ACACA: variants seen among roughly 807,000 people sequenced by gnomAD.
ACACA encodes acetyl-CoA carboxylase 1.
A neutral mutation model predicts 296.1 loss-of-function variants in ACACA; 103 were observed. That is an observed-to-expected ratio of 0.35 (90% CI 0.30 to 0.41). The LOEUF (loss-of-function observed/expected upper bound fraction) is 0.41. Ranked by LOEUF, ACACA falls within the 10% of genes least tolerant of loss-of-function variation. ACACA has a pLI of 1.00. For synonymous variants in ACACA, 953 were observed against 1,038.6 expected (o/e 0.92, Z 1.58); for missense variants, 1,554 against 2,989.7 (o/e 0.52, Z 11.20).
intron 25 of ACACA, among the ~76,000 whole-genome samples, chr17:37,232,156 A>G (rs2079891378): frequency 1.3e-5 from 2 of 152,212 alleles, no homozygotes; most frequent in African/African-American, 4.8e-5. Flanking sequence ...AGAGCAACGC[A>G]TATCCCATGA....
chr17:37,368,572 A>T (rs2049691321), intron 1 of ACACA: 1 of 152,148 alleles, frequency 6.6e-6, no homozygotes, highest in South Asian at 2.1e-4. Context: ...CAAGAGCAAG[A>T]CTCCATCTAA....
At position 37,190,686 on chromosome 17, in the gene ACACA, T is replaced by G. The variant is rs115234359; in HGVS notation, c.4572+434A>C. ...TTAGACACTTTGAGAAGGTGCATTA[T>G]CTCACTAAGGCCACCAGGTGATTAA... On this transcript the variant is annotated intron_variant, in intron 38 of 55. Transcript: ENST00000616317. 9.9e-3 allele frequency among the ~76,000 whole-genome samples: 1,502 copies of G among 152,284 alleles called. 22 individuals are homozygous for G. The highest frequency in any genetic ancestry group is 0.034 in the African/African-American group (1,408 of 41,544).
chr17:37,268,519 C>T (rs2081897556), intron 10 of ACACA, among the ~76,000 whole-genome samples: 1 of 152,026 alleles, frequency 6.6e-6, no homozygotes, highest in Admixed American at 6.6e-5. Context: ...AGGAAGCCCT[C>T]TTAGTCTTTT....
At chr17:37,214,966 G>C (rs2078918019) in intron 29 of ACACA, among the ~76,000 whole-genome samples, 1 of 152,098 alleles carries the variant, frequency 6.6e-6, no homozygotes, top group African/African-American at 2.4e-5. Context: ...AATGGCAGTT[G>C]GCTACCAATT....
At chr17:37,404,372 A>G (rs11871581) in intron 1 of ACACA, among the ~76,000 whole-genome samples, 34,649 of 152,044 alleles carry the variant, frequency 0.23, 4,142 homozygotes, top group Middle Eastern at 0.36. Flanking sequence ...AGGACAATTT[A>G]TGCCTTAGAG....
At chr17:37,275,495 C>CAA (rs34064045) in intron 8 of ACACA, among the ~76,000 whole-genome samples, 3,139 of 61,388 alleles carry the variant, frequency 0.051, 149 homozygotes, top group African/African-American at 0.093. Context: ...GACTCCAACT[C>CAA]AAAAAAAAAA....
chr17:37,296,651 C>T (rs2083347310), intron 3 of ACACA, among the ~76,000 whole-genome samples: 1 of 151,784 alleles, frequency 6.6e-6, no homozygotes, highest in African/African-American at 2.4e-5. Flanking sequence ...GAGGGCTCTG[C>T]CCCATGATCT....
chr17:37,206,740 T>C (rs777941814), intron 32 of ACACA, 43 bp downstream of exon 32: 10 of 1,464,574 alleles, frequency 6.8e-6, no homozygotes, highest in Non-Finnish European at 9.6e-6. Context: ...AGAAGTCCCA[T>C]GTCTGAGGGG....
intron 45 of ACACA, among the ~76,000 whole-genome samples, chr17:37,147,377 CAGAA>C (rs1229091462): frequency 4.6e-5 from 7 of 152,156 alleles, no homozygotes; most frequent in Non-Finnish European, 8.8e-5. Flanking sequence ...AGCACCCACA[CAGAA>C]AGAGACATGC....
Position 37,121,475 on chromosome 17 carries a change from C to T in ACACA, c.6154G>A (p.Gly2052Ser). ...DSEAKIIQQAGQVWFPDSAFK... is the reference protein window; with the variant it reads ...DSEAKIIQQASQVWFPDSAFK... ...GCAGAATCTGGGAACCAAACCTGGC[C>T]AGCCTGCTGGATTATCTATTAGGAA... The change falls in exon 50 of 56, where the codon GGC becomes AGC. Residue 2052 changes from glycine to serine, a missense_variant. Around this residue, in one of 16 missense-constraint regions of ACACA, gnomAD observed 553 missense variants for 1,043.6 expected, o/e 0.53. Transcript: ENST00000616317. 6.2e-7 allele frequency: 1 copy of T among 1,614,176 alleles called. No individual in the cohort carries two copies. The highest frequency in any genetic ancestry group is 8.5e-7 in the Non-Finnish European group (1 of 1,180,026).
At chr17:37,233,785 T>C (rs2079976932) in intron 25 of ACACA, among the ~76,000 whole-genome samples, 1 of 152,236 alleles carries the variant, frequency 6.6e-6, no homozygotes, top group Non-Finnish European at 1.5e-5. Context: ...AGCTGAAACC[T>C]GTCACTTGGG....
chr17:37,390,250 A>T (rs1175861375), intron 1 of ACACA, among the ~76,000 whole-genome samples: 1 of 34,780 alleles, frequency 2.9e-5, no homozygotes, highest in South Asian at 8.2e-4. Flanking sequence ...TATTATATAT[A>T]TATTATATAT....
chr17:37,246,343 T>C (rs1227392309), intron 19 of ACACA, among the ~76,000 whole-genome samples: 1 of 152,242 alleles, frequency 6.6e-6, no homozygotes, highest in Non-Finnish European at 1.5e-5. Flanking sequence ...CTATGTGTTT[T>C]AAAAATCTTA....
intron 2 of ACACA, among the ~76,000 whole-genome samples, chr17:37,337,319 G>A (rs1222501452): frequency 2.0e-5 from 3 of 151,746 alleles, no homozygotes; most frequent in African/African-American, 7.3e-5. Context: ...GGGAGGCTGA[G>A]GTGGGAGAAT....
chr17:37,121,350 G>A lies in ACACA; in HGVS notation c.6274+5C>T, dbSNP rs754101450. The A allele has an allele frequency of 5.0e-6, 8 of 1,613,920 alleles. No homozygotes were observed. The highest frequency in any genetic ancestry group is 6.8e-6 in the Non-Finnish European group (8 of 1,179,988). ...GCCCCTCCAGCCCACAGGCAGCCCA[G>A]TCACCTTTCATTCCACCAGAGAAGC... On this transcript the variant is annotated splice_donor_5th_base_variant and intron_variant, in intron 50 of 55. Transcript: ENST00000616317.
intron 46 of ACACA, 71 bp downstream of exon 46, chr17:37,130,004 C>A: frequency 6.3e-7 from 1 of 1,582,072 alleles, no homozygotes; most frequent in Non-Finnish European, 8.7e-7. Flanking sequence ...ACCTTAAACA[C>A]AGAGGCAGTG....
intron 45 of ACACA, among the ~76,000 whole-genome samples, chr17:37,132,649 A>C (rs1337907076): frequency 6.6e-6 from 1 of 152,186 alleles, no homozygotes; most frequent in Non-Finnish European, 1.5e-5. Context: ...CAGAAGAGAG[A>C]GCTGGGCCAT....
At position 37,088,992 on chromosome 17, in the gene ACACA, A is replaced by G. The variant is rs1453314950; in HGVS notation, c.6974T>C (p.Ile2325Thr). ...LTEEDGVHSV[I>T]EENIKCISRD... Reference sequence around the variant, plus strand: ...GCTGATGCATTTGATGTTTTCCTCTATTACCGAGTGAACACCATCCTCCTC... The same window carrying G: ...GCTGATGCATTTGATGTTTTCCTCTGTTACCGAGTGAACACCATCCTCCTC... Residue 2325 changes from isoleucine (I) to threonine (T), a missense_variant, in exon 55 of 56, where the codon ATA becomes ACA. Physicochemically the swap from Ile to Thr is moderately conservative, Grantham distance 89 (BLOSUM62 -1). This residue lies in a region of ACACA where 553 missense variants were observed against 1,043.6 expected (regional missense o/e 0.53). Coordinates refer to ENST00000616317, the MANE Select transcript of ACACA (RefSeq NM_198834.3). 3.7e-6 allele frequency: 6 copies of G among 1,613,966 alleles called. No individual in the cohort carries two copies. Among genetic ancestry groups the G allele is most frequent in the Non-Finnish European group, 5.1e-6 (6 of 1,179,990 alleles).
At chr17:37,386,671 C>G (rs1006423160) in intron 1 of ACACA, among the ~76,000 whole-genome samples, 1 of 152,130 alleles carries the variant, frequency 6.6e-6, no homozygotes, top group African/African-American at 2.4e-5. Context: ...TCATTTATCT[C>G]CACGCAAATG....
Sources: allele counts gnomAD v4.1 joint callset (sites outside exome capture counted in the v4.1 genomes callset), GRCh38; gene constraint gnomAD v4.1.1; regional missense constraint gnomAD v4.1.1; transcripts MANE v1.5; gene names NCBI Gene and HGNC (gene_info 2026-07-23, HGNC 2026-07-21).